The following FANCI variants were observed in gnomAD, a reference collection of about 807,000 sequenced individuals.
The protein encoded by FANCI is Fanconi anemia group I protein.
FANCI carries 156 observed loss-of-function variants against 176.1 expected under a neutral mutation model. The ratio of observed to expected loss-of-function variants is 0.89; its 90% confidence interval spans 0.78 to 1.01. FANCI has a LOEUF of 1.01. FANCI is among the 50% of genes least tolerant of loss of function. FANCI has a pLI of 0.00. For synonymous variants in FANCI, 613 were observed against 541.7 expected, an observed-to-expected ratio of 1.13 and a Z score of -1.83; for missense variants, 1,678 against 1,534.1, an observed-to-expected ratio of 1.09 and a Z score of -1.57.
rs776473061 is a variant in FANCI, at chr15:89,261,637, G to A, written c.341G>A (p.Ser114Asn). ...LLVELANEFI[S>N]AVREGSLVNG... ...GTTGAATTAGCCAATGAGTTTATTA[G>A]TGCTGTCAGAGAAGGCAGCCTAGTG... Residue 114 changes from serine to asparagine, a missense_variant, in exon 5 of 38, where the codon AGT (serine) becomes AAT (asparagine). By Grantham distance (46) the Ser-to-Asn change is conservative. This residue lies in a region of FANCI where 469 missense variants were observed against 436.9 expected (regional missense o/e 1.07). Coordinates refer to ENST00000310775, the MANE Select transcript of FANCI (RefSeq NM_001113378.2). The A allele has an allele frequency of 1.2e-6, 2 of 1,614,108 alleles. No homozygotes were observed. The highest frequency in any genetic ancestry group is 1.1e-5 in the South Asian group (1 of 91,080).
chr15:89,267,736 G>C (rs1260205939), intron 9 of FANCI, among the ~76,000 whole-genome samples: 1 of 152,082 alleles, frequency 6.6e-6, no homozygotes, highest in African/African-American at 2.4e-5. Flanking sequence ...AAACCAGCTG[G>C]GCAATATAGT....
chr15:89,268,032 G>C (rs1007597051), intron 9 of FANCI, among the ~76,000 whole-genome samples: 1 of 152,226 alleles, frequency 6.6e-6, no homozygotes, highest in African/African-American at 2.4e-5. Context: ...AGTTTAGCTT[G>C]AGTTGGTCTA....
In FANCI at chr15:89,301,282, C is replaced by G. The variant is rs141782480; in HGVS notation, c.2890-44C>G. 1,066 of 1,263,874 alleles carry G rather than the reference C, an allele frequency of 8.4e-4. 4 individuals carry two copies. The African/African-American group carries it at 0.014, about 17-fold the overall frequency. The allele number at this position is 1,263,874 out of a possible 1,614,324, so 78.3% of individuals were successfully genotyped here. A position where few individuals can be genotyped will look rare whatever the true frequency, so the allele number is the denominator to read the frequency against. On this transcript the variant is annotated intron_variant, in intron 26 of 37. Transcript: ENST00000310775. ...AGATGCCTCTTCTTCCTGATAGGAA[C>G]GTGTCTGCTAACATTGCTTGCTGTG...
chr15:89,299,058 C>A (rs1253110287), intron 24 of FANCI, among the ~76,000 whole-genome samples: 1 of 151,736 alleles, frequency 6.6e-6, no homozygotes, highest in Non-Finnish European at 1.5e-5. Context: ...CTTGTAGTCC[C>A]AGCTACTCAG....
intron 9 of FANCI, among the ~76,000 whole-genome samples, chr15:89,267,856 G>GCCT (rs2053034686): frequency 6.6e-6 from 1 of 152,178 alleles, no homozygotes; most frequent in Admixed American, 6.5e-5. Flanking sequence ...GAGCCTGGGA[G>GCCT]GTTGAGGCCA....
intron 34 of FANCI, among the ~76,000 whole-genome samples, chr15:89,310,876 G>C (rs2054927242): frequency 6.6e-6 from 1 of 152,168 alleles, no homozygotes; most frequent in South Asian, 2.1e-4. Flanking sequence ...TGTAATCCCA[G>C]CACTTTGGGA....
chr15:89,289,681 C>T (rs950456075), intron 18 of FANCI, among the ~76,000 whole-genome samples: 19 of 151,748 alleles, frequency 1.3e-4, no homozygotes, highest in African/African-American at 4.6e-4. Flanking sequence ...ACTGTATAAC[C>T]TCTTTTCCAG....
At chr15:89,285,575 C>G (rs1472283486) in intron 18 of FANCI, among the ~76,000 whole-genome samples, 1 of 152,196 alleles carries the variant, frequency 6.6e-6, no homozygotes, top group Non-Finnish European at 1.5e-5. Flanking sequence ...TATGATCACA[C>G]CACTGCCCTC....
intron 36 of FANCI, among the ~76,000 whole-genome samples, 172 bp downstream of exon 36, chr15:89,314,879 G>C (rs996170337): frequency 8.5e-6 from 1 of 118,316 alleles, no homozygotes; most frequent in South Asian, 2.5e-4. Flanking sequence ...GTCTCATTCT[G>C]TCACCCAGGC....
At chr15:89,258,606 T>A in intron 2 of FANCI, 98 bp from the exon 3 acceptor site, 1 of 901,540 alleles carries the variant, frequency 1.1e-6, no homozygotes, top group Non-Finnish European at 1.9e-6. Context: ...CTCTGAATGA[T>A]CTGAACGTGA....
intron 2 of FANCI, among the ~76,000 whole-genome samples, chr15:89,251,980 A>G (rs1436205253): frequency 6.6e-6 from 1 of 152,196 alleles, no homozygotes; most frequent in Non-Finnish European, 1.5e-5. Context: ...CATTTAACCT[A>G]GAGAAAACAA....
At chr15:89,260,691 A>T in intron 3 of FANCI, 22 bp from the exon 4 acceptor site, 4 of 1,612,602 alleles carry the variant, frequency 2.5e-6, no homozygotes, top group Non-Finnish European at 3.4e-6. Context: ...TTGTTTCTGA[A>T]CCCCCTGTTT....
At chr15:89,306,365 T>C (rs980108626) in intron 32 of FANCI, among the ~76,000 whole-genome samples, 171 bp downstream of exon 32, 13 of 151,888 alleles carry the variant, frequency 8.6e-5, no homozygotes, top group African/African-American at 1.2e-4. Flanking sequence ...GGCAGGCATC[T>C]CCACAGGCCA....
chr15:89,279,120 G>A (rs1464488997), intron 14 of FANCI, among the ~76,000 whole-genome samples: 2 of 151,438 alleles, frequency 1.3e-5, no homozygotes, highest in Admixed American at 6.6e-5. Context: ...GTTTCTCTCT[G>A]GTAACCTCTG....
chr15:89,282,737 A>G (rs1481765624), intron 16 of FANCI: 6 of 281,216 alleles, frequency 2.1e-5, no homozygotes, highest in Admixed American at 9.4e-5. Context: ...GACAGTTTAC[A>G]TGGCATCAAA....
At chr15:89,314,853 T>A in intron 36 of FANCI, 146 bp downstream of exon 36, 1 of 575,248 alleles carries the variant, frequency 1.7e-6, no homozygotes, top group Non-Finnish European at 3.0e-6. Context: ...CCCCCCCTTT[T>A]TTTTTTTGAG....
At chr15:89,310,806 G>A (rs1250585510) in intron 34 of FANCI, among the ~76,000 whole-genome samples, 2 of 152,202 alleles carry the variant, frequency 1.3e-5, no homozygotes, top group East Asian at 1.9e-4. Flanking sequence ...TTAGCATCCT[G>A]CCCAGAACTG....
intron 27 of FANCI, among the ~76,000 whole-genome samples, chr15:89,301,852 C>G (rs2151865163): frequency 6.6e-6 from 1 of 152,334 alleles, no homozygotes; most frequent in African/African-American, 2.4e-5. Context: ...TTTCTCAGCA[C>G]AGTTACCTGG....
At position 89,315,426 on chromosome 15, in the gene FANCI, TC is replaced by T. The variant is rs749860670; in HGVS notation, c.3924+39del. 1.3e-5 allele frequency: 18 copies of T among 1,417,288 alleles called. No individual in the cohort carries two copies. In the Admixed American group the frequency reaches 2.0e-4, roughly 16 times the overall value. 87.8% of individuals were successfully genotyped at this position (1,417,288 alleles called of 1,614,324 possible). A position where few individuals can be genotyped will look rare whatever the true frequency, so the allele number is the denominator to read the frequency against. On this transcript the variant is annotated intron_variant, in intron 37 of 37. Coordinates refer to ENST00000310775, the MANE Select transcript of FANCI (RefSeq NM_001113378.2). ...CTTCTGTCTGGAGCCCAGCCACTCTTCCTAGCTGGTTAGCAGCCTATCTGGG... is the reference window on the plus strand; with the variant it reads ...CTTCTGTCTGGAGCCCAGCCACTCTTCTAGCTGGTTAGCAGCCTATCTGGG...
Sources: gnomAD v4.1 joint callset for allele counts (sites outside exome capture counted in the v4.1 genomes callset) on GRCh38, gnomAD v4.1.1 for gene constraint, gnomAD v4.1.1 regional missense constraint, MANE v1.5 for transcripts, NCBI Gene and HGNC (gene_info 2026-07-23, HGNC 2026-07-21) for gene names.